SLC8A1: variants seen among roughly 807,000 people sequenced by gnomAD.
The protein encoded by SLC8A1 is solute carrier family 8 member A1.
In SLC8A1, 18 loss-of-function variants were observed where a neutral mutation model predicts 68.3. The ratio of observed to expected loss-of-function variants is 0.26; its 90% confidence interval spans 0.18 to 0.39. The LOEUF (loss-of-function observed/expected upper bound fraction) is 0.39, where lower values mean the gene tolerates loss of function less well. Ranked by LOEUF, SLC8A1 falls within the 10% of genes least tolerant of loss-of-function variation. SLC8A1 has a pLI of 1.00. For synonymous variants in SLC8A1, 475 were observed against 415.5 expected (o/e 1.14, Z -1.74); for missense variants, 985 against 1,156.7 (o/e 0.85, Z 2.15).
chr2:40,239,352 T>A (rs1252745677), intron 2 of SLC8A1, among the ~76,000 whole-genome samples: 1 of 152,182 alleles, frequency 6.6e-6, no homozygotes, highest in East Asian at 1.9e-4. Context: ...TTATCTGGAT[T>A]TTTTTCCTAG....
intron 1 of SLC8A1, among the ~76,000 whole-genome samples, chr2:40,447,309 A>G (rs1576556855): frequency 6.6e-6 from 1 of 152,290 alleles, no homozygotes; most frequent in East Asian, 1.9e-4. Context: ...AAATGGCTAA[A>G]TCTTCAAGAA....
intron 2 of SLC8A1, 52 bp downstream of exon 2, chr2:40,428,420 GA>G: frequency 1.5e-6 from 2 of 1,372,426 alleles, no homozygotes; most frequent in South Asian, 3.1e-5. Flanking sequence ...TAAACACACT[GA>G]ACCACACACA....
chr2:40,424,069 G>C (rs1696217585), intron 2 of SLC8A1, among the ~76,000 whole-genome samples: 1 of 151,862 alleles, frequency 6.6e-6, no homozygotes, highest in South Asian at 2.1e-4. Flanking sequence ...TTTAAAGGTA[G>C]CAGATAAAAT....
At chr2:40,436,143 T>C (rs1290368088) in intron 1 of SLC8A1, among the ~76,000 whole-genome samples, 1 of 152,038 alleles carries the variant, frequency 6.6e-6, no homozygotes, top group Non-Finnish European at 1.5e-5. Flanking sequence ...CTTCAAAAGA[T>C]GCAACTCTCT....
At chr2:40,168,633 T>C (rs1385757079) in intron 4 of SLC8A1, among the ~76,000 whole-genome samples, 1 of 152,206 alleles carries the variant, frequency 6.6e-6, no homozygotes, top group African/African-American at 2.4e-5. Context: ...ACGGAAATGG[T>C]TTAACAGCAT....
At chr2:40,213,264 G>A (rs1574140738) in intron 2 of SLC8A1, 1 of 152,108 alleles carries the variant, frequency 6.6e-6, no homozygotes, top group Non-Finnish European at 1.5e-5. Context: ...CATTGAAGAT[G>A]TTTATTTAGA....
chr2:40,334,475 G>C (rs1394949021), intron 2 of SLC8A1, among the ~76,000 whole-genome samples: 1 of 152,120 alleles, frequency 6.6e-6, no homozygotes, highest in African/African-American at 2.4e-5. Context: ...AAAATGAAAT[G>C]TATTAATACA....
chr2:40,148,619 G>A (rs944271620), intron 6 of SLC8A1, among the ~76,000 whole-genome samples: 1 of 152,056 alleles, frequency 6.6e-6, no homozygotes, highest in Non-Finnish European at 1.5e-5. Context: ...CAGTAAACAC[G>A]GCCCTCCACT....
intron 7 of SLC8A1, among the ~76,000 whole-genome samples, chr2:40,135,024 C>T (rs772771152): frequency 3.9e-5 from 6 of 152,078 alleles, no homozygotes; most frequent in Admixed American, 6.5e-5. Flanking sequence ...AGACAAACAG[C>T]CAGTCTTGTG....
chr2:40,462,064 T>C (rs1703381295), intron 1 of SLC8A1, among the ~76,000 whole-genome samples: 2 of 137,814 alleles, frequency 1.5e-5, no homozygotes, highest in South Asian at 4.9e-4. Context: ...TGGAGTGCAG[T>C]GGCACAATCT....
At chr2:40,181,546 A>G (rs116244729) in intron 2 of SLC8A1, among the ~76,000 whole-genome samples, 3,179 of 152,320 alleles carry the variant, frequency 0.021, 64 homozygotes, top group African/African-American at 0.051. Context: ...AATGGAATCA[A>G]TAATGCTCCT....
At chr2:40,182,940 A>C (rs2049905716) in intron 2 of SLC8A1, among the ~76,000 whole-genome samples, 1 of 152,198 alleles carries the variant, frequency 6.6e-6, no homozygotes, top group Non-Finnish European at 1.5e-5. Context: ...AGACTCCTCC[A>C]TTTTAGATCC....
intron 2 of SLC8A1, among the ~76,000 whole-genome samples, chr2:40,379,458 T>C (rs996721904): frequency 6.6e-6 from 1 of 152,126 alleles, no homozygotes; most frequent in Non-Finnish European, 1.5e-5. Context: ...AGGAGATCTA[T>C]AAATACAGGC....
chr2:40,319,564 GA>G (rs1416626498), intron 2 of SLC8A1, among the ~76,000 whole-genome samples: 3 of 152,060 alleles, frequency 2.0e-5, no homozygotes, highest in African/African-American at 7.2e-5. Flanking sequence ...ATGATTAAGT[GA>G]ATGAAAGAGT....
chr2:40,160,034 CAGA>C (rs1195749134), intron 6 of SLC8A1, among the ~76,000 whole-genome samples: 4 of 147,586 alleles, frequency 2.7e-5, no homozygotes, highest in African/African-American at 1.0e-4. Flanking sequence ...GTAGATGGAG[CAGA>C]AGAACAGGAA....
rs144175652 is a variant in SLC8A1, at chr2:40,402,512, C to T, written c.1808+25961G>A. Among the ~76,000 whole-genome samples, 351 of 152,292 alleles carry T rather than the reference C, an allele frequency of 2.3e-3. 1 individual carries two copies. The highest frequency in any genetic ancestry group is 3.7e-3 in the Admixed American group (57 of 15,304). The stretch of plus-strand genomic sequence containing the variant: ...TTTATGTATTTGCCCCGAATTCTTT[C>T]TTGCACAAGGTCCAAGAACCCTCTC... On this transcript the variant is annotated intron_variant, in intron 2 of 7. Transcript: ENST00000406785.
At chr2:40,284,289 G>A (rs959578233) in intron 2 of SLC8A1, among the ~76,000 whole-genome samples, 8 of 147,210 alleles carry the variant, frequency 5.4e-5, no homozygotes, top group Non-Finnish European at 8.9e-5. Flanking sequence ...CTCTGATCTC[G>A]CTATATATTT....
exon 8 of SLC8A1, chr2:40,108,459 C>T (rs2034360482): frequency 6.6e-6 from 1 of 152,052 alleles, no homozygotes; most frequent in Admixed American, 6.5e-5. Flanking sequence ...TCCTAGTTAA[C>T]ACATTTTTGT....
Position 40,395,092 on chromosome 2 carries a change from T to G in SLC8A1, c.1808+33381A>C, listed in dbSNP as rs377606979. Among the ~76,000 whole-genome samples, 4 of 152,324 alleles carry G rather than the reference T, an allele frequency of 2.6e-5. No homozygotes were observed. In the East Asian group the frequency reaches 7.7e-4, roughly 29 times the overall value. ...CAGAAAACAGGGACTAACTAGACAG[T>G]GCTCTTTAAGACAAAAGTTTACCTT... On this transcript the variant is annotated intron_variant, in intron 2 of 7. Transcript: ENST00000406785.
Sources: gnomAD v4.1 joint callset for allele counts (sites outside exome capture counted in the v4.1 genomes callset) on GRCh38, gnomAD v4.1.1 for gene constraint, MANE v1.5 for transcripts, NCBI Gene and HGNC (gene_info 2026-07-23, HGNC 2026-07-21) for gene names.